The following CHODL variants were observed in gnomAD, a reference collection of about 807,000 sequenced individuals.
The protein encoded by CHODL is transmembrane protein MT75.
CHODL carries 29 observed loss-of-function variants against 34.5 expected under a neutral mutation model. The ratio of observed to expected loss-of-function variants is 0.84; its 90% CI spans 0.63 to 1.15. The LOEUF (loss-of-function observed/expected upper bound fraction) is 1.15. CHODL is among the 50% of genes most tolerant of loss of function. CHODL has a pLI of 0.00. For missense variants in CHODL, 332 were observed against 332.5 expected, an observed-to-expected ratio of 1.00 and a Z score of 0.01; for synonymous variants, 125 against 116.1, an observed-to-expected ratio of 1.08 and a Z score of -0.49.
chr21:17,931,811 A>T (rs1421653636), intron 1 of CHODL, among the ~76,000 whole-genome samples: 1 of 152,220 alleles, frequency 6.6e-6, no homozygotes, highest in East Asian at 1.9e-4. Flanking sequence ...ACTCAATGTG[A>T]GTTAAAGACT....
chr21:18,251,460 T>TTAATATATAAAATAAA, intron 1 of CHODL, among the ~76,000 whole-genome samples: 1 of 8,480 alleles, frequency 1.2e-4, no homozygotes, highest in Admixed American at 8.0e-4. Flanking sequence ...CATATTTATT[T>TTAATATATAAAATAAA]TATTTATTTT....
In CHODL at chr21:18,266,200, T is replaced by C. The variant is rs1452938580; in HGVS notation, c.*162T>C. 6.5e-7 allele frequency: 1 copy of C among 1,539,934 alleles called. No individual in the cohort carries two copies. Among genetic ancestry groups the C allele is most frequent in the African/African-American group, 1.4e-5 (1 of 72,460 alleles). ...TAAAGTAATTTTTATATGTCTATTA[T>C]TTCATTTAAAGAATATGCTGTGCTA... On this transcript the variant is annotated 3_prime_UTR_variant, in exon 6 of 6. Transcript: ENST00000299295.
chr21:17,995,192 C>T (rs150061875), intron 1 of CHODL, among the ~76,000 whole-genome samples: 1 of 152,072 alleles, frequency 6.6e-6, no homozygotes, highest in African/African-American at 2.4e-5. Context: ...GGGGACTGGG[C>T]TCTCAAAATG....
rs2064031788 is a variant in CHODL, at chr21:18,012,832, A to T, written c.-144-15040A>T. Among the ~76,000 whole-genome samples, 2 of 152,238 alleles carry T rather than the reference A, an allele frequency of 1.3e-5. 1 individual carries two copies. The highest frequency in any genetic ancestry group is 4.1e-4 in the South Asian group (2 of 4,836). On this transcript the variant is annotated intron_variant, in intron 1 of 6. Coordinates refer to the CHODL transcript ENST00000400127. ...GGTGAAAATACAAATGTAAAAGAAA[A>T]TAGTTCAATTATGCTGGTGTATCTG...
At chr21:18,055,891 A>C (rs2146476111) in intron 2 of CHODL, among the ~76,000 whole-genome samples, 2 of 152,200 alleles carry the variant, frequency 1.3e-5, no homozygotes, top group Middle Eastern at 6.8e-3. Context: ...CCTTAGGTTA[A>C]AAAGACAGTT....
intron 2 of CHODL, among the ~76,000 whole-genome samples, chr21:18,177,238 T>C (rs2073327261): frequency 6.6e-6 from 1 of 152,044 alleles, no homozygotes; most frequent in Non-Finnish European, 1.5e-5. Flanking sequence ...TGGTAAATCC[T>C]ACAAATGCAA....
At chr21:18,096,168 T>C (rs571622739) in intron 2 of CHODL, among the ~76,000 whole-genome samples, 2 of 152,340 alleles carry the variant, frequency 1.3e-5, no homozygotes, top group East Asian at 3.9e-4. Context: ...ATCAATACTC[T>C]TGTAATTTCC....
chr21:18,068,585 C>A (rs1358182999), intron 2 of CHODL, among the ~76,000 whole-genome samples: 1 of 152,164 alleles, frequency 6.6e-6, no homozygotes. Flanking sequence ...CTCATTCTTG[C>A]ACCCTATTCT....
At chr21:18,035,136 T>A (rs1288381536) in intron 2 of CHODL, among the ~76,000 whole-genome samples, 1 of 152,004 alleles carries the variant, frequency 6.6e-6, no homozygotes, top group Non-Finnish European at 1.5e-5. Context: ...TCTGTATGTT[T>A]ACTATTTTCT....
chr21:18,193,286 G>T (rs2073533328), intron 2 of CHODL, among the ~76,000 whole-genome samples: 1 of 152,170 alleles, frequency 6.6e-6, no homozygotes, highest in South Asian at 2.1e-4. Context: ...GGTTCCCTGA[G>T]ATCCACAATG....
At chr21:17,931,396 GA>G (rs2063272646) in intron 1 of CHODL, among the ~76,000 whole-genome samples, 1 of 152,186 alleles carries the variant, frequency 6.6e-6, no homozygotes. Context: ...CTGTCATGGG[GA>G]AAATAATCCC....
At chr21:18,095,558 G>A (rs1235247311) in intron 2 of CHODL, among the ~76,000 whole-genome samples, 1 of 152,102 alleles carries the variant, frequency 6.6e-6, no homozygotes, top group African/African-American at 2.4e-5. Flanking sequence ...TGGCTTCACT[G>A]TGAATCCTAT....
chr21:18,181,458 A>G (rs774615383), intron 2 of CHODL, among the ~76,000 whole-genome samples: 1 of 152,344 alleles, frequency 6.6e-6, no homozygotes, highest in East Asian at 1.9e-4. Context: ...GCTGGAGTGC[A>G]CTGGCGGGAT....
chr21:18,182,735 T>A (rs1317832576), intron 2 of CHODL, among the ~76,000 whole-genome samples: 1 of 152,208 alleles, frequency 6.6e-6, no homozygotes, highest in African/African-American at 2.4e-5. Context: ...GACTCCAAAG[T>A]AAAAGTAAGT....
At chr21:18,024,367 C>T (rs2064154360) in intron 1 of CHODL, among the ~76,000 whole-genome samples, 1 of 152,110 alleles carries the variant, frequency 6.6e-6, no homozygotes, top group Admixed American at 6.6e-5. Context: ...AAAGGTAGGG[C>T]AGGGCGCAAG....
chr21:18,068,865 A>G (rs7276319), intron 2 of CHODL, among the ~76,000 whole-genome samples: 711 of 151,992 alleles, frequency 4.7e-3, no homozygotes, highest in Non-Finnish European at 8.8e-3. Flanking sequence ...TTTATTCGCA[A>G]GTTAATCTGC....
At chr21:18,239,522 T>C (rs61246616) in intron 2 of CHODL, among the ~76,000 whole-genome samples, 44,878 of 151,948 alleles carry the variant, frequency 0.3, 8,136 homozygotes, top group African/African-American at 0.52. Flanking sequence ...GCTTTGGCAC[T>C]ATTGTTTCCT....
chr21:18,222,719 C>A (rs190168867), intron 2 of CHODL, among the ~76,000 whole-genome samples: 63 of 152,200 alleles, frequency 4.1e-4, no homozygotes. Flanking sequence ...CTGTTGCTAC[C>A]CTGCTGGATT....
At chr21:18,144,472 A>G (rs544202259) in intron 2 of CHODL, among the ~76,000 whole-genome samples, 26 of 152,256 alleles carry the variant, frequency 1.7e-4, no homozygotes, top group Admixed American at 1.6e-3. Context: ...TTCACTTTCA[A>G]CCGGTGTGCA....
Sources: allele counts gnomAD v4.1 joint callset (sites outside exome capture counted in the v4.1 genomes callset), GRCh38; gene constraint gnomAD v4.1.1; transcripts MANE v1.5; gene names NCBI Gene and HGNC (gene_info 2026-07-23, HGNC 2026-07-21).